JARID2: variants seen among roughly 807,000 people sequenced by gnomAD.
JARID2 encodes the protein protein Jumonji.
JARID2 carries 21 observed loss-of-function variants against 125.6 expected under a neutral mutation model. The observed-to-expected ratio is 0.17, with a 90% CI of 0.12 to 0.24. The LOEUF is 0.24. JARID2 is among the 10% of genes least tolerant of loss of function. The pLI, the probability that JARID2 is intolerant of heterozygous loss-of-function variation, is 1.00. For missense variants in JARID2, 1,303 were observed against 1,639.6 expected (o/e 0.79, Z 3.55); for synonymous variants, 736 against 661.6 (o/e 1.11, Z -1.73).
intron 4 of JARID2, among the ~76,000 whole-genome samples, chr6:15,464,989 C>T (rs993153620): frequency 6.6e-6 from 1 of 152,220 alleles, no homozygotes; most frequent in Non-Finnish European, 1.5e-5. Flanking sequence ...GCAAGTTCCT[C>T]AGAATTGCCC....
intron 1 of JARID2, among the ~76,000 whole-genome samples, chr6:15,342,872 C>T (rs996147893): frequency 1.8e-4 from 27 of 152,140 alleles, no homozygotes; most frequent in Admixed American, 1.8e-3. Context: ...TACTGAGGTG[C>T]TTTGATTGAA....
At chr6:15,285,748 C>T (rs1760973944) in intron 1 of JARID2, among the ~76,000 whole-genome samples, 1 of 152,106 alleles carries the variant, frequency 6.6e-6, no homozygotes, top group Non-Finnish European at 1.5e-5. Context: ...TAAGTCATTC[C>T]ACATTGCATA....
At chr6:15,413,650 A>G (rs186442291) in intron 3 of JARID2, among the ~76,000 whole-genome samples, 1 of 152,140 alleles carries the variant, frequency 6.6e-6, no homozygotes, top group South Asian at 2.1e-4. Context: ...TTTGTTACCC[A>G]GGCTGGAATG....
chr6:15,348,333 G>GTC (rs1300091364), intron 1 of JARID2, among the ~76,000 whole-genome samples: 2 of 152,078 alleles, frequency 1.3e-5, no homozygotes, highest in Admixed American at 6.5e-5. Flanking sequence ...CTCGTGATCA[G>GTC]TCTGCCTCAG....
intron 1 of JARID2, among the ~76,000 whole-genome samples, chr6:15,323,032 A>G (rs1762410446): frequency 6.6e-6 from 1 of 152,220 alleles, no homozygotes. Flanking sequence ...CATTCTAGCA[A>G]ATGCTAAGGT....
At chr6:15,454,437 G>T (rs895543838) in intron 4 of JARID2, among the ~76,000 whole-genome samples, 2 of 152,170 alleles carry the variant, frequency 1.3e-5, no homozygotes, top group Non-Finnish European at 2.9e-5. Context: ...GGTAGGTGGG[G>T]TTCCCACCAG....
chr6:15,299,351 G>A (rs1761523995), intron 1 of JARID2, among the ~76,000 whole-genome samples: 1 of 152,186 alleles, frequency 6.6e-6, no homozygotes. Context: ...CAACAGAGGT[G>A]TGTTTGGTAG....
chr6:15,433,408 CTCTGTG>C (rs797021421), intron 3 of JARID2, among the ~76,000 whole-genome samples: 11 of 93,510 alleles, frequency 1.2e-4, no homozygotes, highest in Admixed American at 2.4e-4. Context: ...CCCCATGTCT[CTCTGTG>C]TGTGTGTGTG....
At chr6:15,430,543 T>C (rs1182853025) in intron 3 of JARID2, among the ~76,000 whole-genome samples, 3 of 152,386 alleles carry the variant, frequency 2.0e-5, no homozygotes, top group East Asian at 3.8e-4. Context: ...TATAACAGTA[T>C]AATAGGCCAG....
In JARID2 at chr6:15,385,904, A is replaced by G. The variant is rs528630749; in HGVS notation, c.181+11652A>G. 3.3e-5 allele frequency among the ~76,000 whole-genome samples: 5 copies of G among 152,256 alleles called. No individual in the cohort carries two copies. The East Asian group carries it at 9.7e-4, about 29-fold the overall frequency. On this transcript the variant is annotated intron_variant, in intron 2 of 17. Coordinates refer to ENST00000341776, the MANE Select transcript of JARID2 (RefSeq NM_004973.4). ...CCATTGCCAGAGGGAATGTGCATTCATAATTGTGTGATATGTCTCACTATC... is the reference window on the plus strand; with the variant it reads ...CCATTGCCAGAGGGAATGTGCATTCGTAATTGTGTGATATGTCTCACTATC...
Position 15,410,373 on chromosome 6 carries a change from C to T in JARID2, c.323+8C>T. 6.2e-7 allele frequency: 1 copy of T among 1,612,988 alleles called. No individual in the cohort carries two copies. Among genetic ancestry groups the T allele is most frequent in the Non-Finnish European group, 8.5e-7 (1 of 1,179,142 alleles). On this transcript the variant is annotated splice_region_variant and intron_variant, in intron 3 of 17. Coordinates refer to ENST00000341776, the MANE Select transcript of JARID2 (RefSeq NM_004973.4). ...AGGGCCGTCGAGGAAAAGGTTAGTA[C>T]CCAAGGCTGAAAATATTGGTACCTT...
chr6:15,366,924 AT>A (rs945599724), intron 1 of JARID2, among the ~76,000 whole-genome samples: 6 of 152,108 alleles, frequency 3.9e-5, no homozygotes, highest in Admixed American at 3.9e-4. Flanking sequence ...GTTTTATAAT[AT>A]TTATTGTAGT....
At chr6:15,414,773 T>C (rs1766056416) in intron 3 of JARID2, among the ~76,000 whole-genome samples, 1 of 152,182 alleles carries the variant, frequency 6.6e-6, no homozygotes, top group South Asian at 2.1e-4. Context: ...TGTTTTTTTT[T>C]TAAATGATAT....
chr6:15,303,416 G>T (rs1261906740), intron 1 of JARID2, among the ~76,000 whole-genome samples: 1 of 152,256 alleles, frequency 6.6e-6, no homozygotes, highest in Admixed American at 6.5e-5. Context: ...CAGTAATCCT[G>T]CACGGGCAGT....
intron 17 of JARID2, among the ~76,000 whole-genome samples, chr6:15,517,698 G>A (rs1283667697): frequency 3.3e-5 from 5 of 152,160 alleles, no homozygotes; most frequent in South Asian, 2.1e-4. Flanking sequence ...GGGGCAGGAC[G>A]GGCCCCATGA....
intron 5 of JARID2, among the ~76,000 whole-genome samples, chr6:15,469,455 CG>C (rs1768961398): frequency 7.2e-6 from 1 of 139,756 alleles, no homozygotes; most frequent in Admixed American, 7.5e-5. Flanking sequence ...TCTTTTGTGA[CG>C]GAGTCTCGCT....
intron 4 of JARID2, among the ~76,000 whole-genome samples, chr6:15,458,529 C>CT (rs1768297062): frequency 6.6e-6 from 1 of 152,222 alleles, no homozygotes; most frequent in African/African-American, 2.4e-5. Context: ...TAGTGATCAG[C>CT]TGTCATTCAG....
chr6:15,519,950 G>A, intron 17 of JARID2, 119 bp from the exon 18 acceptor site: 1 of 653,954 alleles, frequency 1.5e-6, no homozygotes, highest in Non-Finnish European at 2.5e-6. Flanking sequence ...AAACCTGTTG[G>A]TTGGTGTGGT....
At chr6:15,514,532 C>T (rs1262177836) in intron 16 of JARID2, among the ~76,000 whole-genome samples, 1 of 152,208 alleles carries the variant, frequency 6.6e-6, no homozygotes, top group African/African-American at 2.4e-5. Context: ...GTCGACTCTC[C>T]TTGGCCTCCC....
Sources: gnomAD v4.1 joint callset for allele counts (sites outside exome capture counted in the v4.1 genomes callset) on GRCh38, gnomAD v4.1.1 for gene constraint, MANE v1.5 for transcripts, NCBI Gene and HGNC (gene_info 2026-07-23, HGNC 2026-07-21) for gene names.